Variants in ARHGEF1 observed in about 807,000 individuals in gnomAD.
ARHGEF1 encodes 115 kDa guanine nucleotide exchange factor.
Under a neutral mutation model 119.7 loss-of-function variants are expected in ARHGEF1, and 40 were observed. The ratio of observed to expected loss-of-function variants is 0.33; its 90% CI spans 0.26 to 0.44. The LOEUF (loss-of-function observed/expected upper bound fraction) is 0.44, where lower values mean the gene tolerates loss of function less well. Among genes scored for constraint, ARHGEF1 ranks in the 20% least tolerant of loss-of-function variants. The probability of loss-of-function intolerance (pLI) is 1.00; values close to 1 mark genes in which losing one functional copy is unlikely to be tolerated. For synonymous variants in ARHGEF1, 494 were observed against 521.0 expected, an observed-to-expected ratio of 0.95 and a Z score of 0.71; for missense variants, 976 against 1,268.3, an observed-to-expected ratio of 0.77 and a Z score of 3.50.
At chr19:41,927,119 T>A (rs1555853334) in intron 1 of ARHGEF1, among the ~76,000 whole-genome samples, 1 of 150,132 alleles carries the variant, frequency 6.7e-6, no homozygotes, top group African/African-American at 2.5e-5. Context: ...GAGAGACAGA[T>A]CCTGGGAGAG....
intron 14 of ARHGEF1, among the ~76,000 whole-genome samples, chr19:41,900,015 C>T (rs1308841403): frequency 6.6e-6 from 1 of 151,986 alleles, no homozygotes; most frequent in Non-Finnish European, 1.5e-5. Flanking sequence ...TGGGGACCAT[C>T]GGCCACCTAT....
At chr19:41,921,554 G>C (rs1555852496), upstream of ARHGEF1, among the ~76,000 whole-genome samples, 3 of 148,008 alleles carry the variant, frequency 2.0e-5, no homozygotes, top group African/African-American at 8.0e-5. The surrounding 1 kb of genome is among the most constrained non-coding windows in gnomAD (Gnocchi z 4.4). Flanking sequence ...ACGGCAGAAG[G>C]AGCGAACCAG....
In ARHGEF1 at chr19:41,907,000, C is replaced by T; in HGVS notation, c.*18-105C>T. The T allele has an allele frequency of 1.7e-6, 2 of 1,167,396 alleles. No homozygotes were observed. Among genetic ancestry groups the T allele is most frequent in the Non-Finnish European group, 2.3e-6 (2 of 856,636 alleles). The allele number at this position is 1,167,396 out of a possible 1,614,324, so 72.3% of individuals were successfully genotyped here. On this transcript the variant is annotated intron_variant, in intron 28 of 28. Coordinates refer to ENST00000354532, the MANE Select transcript of ARHGEF1 (RefSeq NM_004706.4). The surrounding 1 kb of genome is among the most constrained non-coding windows in gnomAD (Gnocchi z 4.5). ...GTCTCTGTGCCCGCCTGCCTCTCCC[C>T]ACCTCCCCTTCTCTCTCTGCTCTCC...
chr19:41,898,103 C>T (rs1167742228), intron 13 of ARHGEF1: 10 of 1,379,040 alleles, frequency 7.3e-6, no homozygotes, highest in Non-Finnish European at 3.7e-6. Context: ...TGGCCCTGCC[C>T]GACGAGCCAC....
Position 41,903,636 on chromosome 19 carries a change from A to G in ARHGEF1, c.1840-71A>G. ...AGAAGTTGGTCTTGGCTCTCATCTTACCAATGTGGGTCACTGCAGGTCAGC... is the reference window on the plus strand; with the variant it reads ...AGAAGTTGGTCTTGGCTCTCATCTTGCCAATGTGGGTCACTGCAGGTCAGC... On this transcript the variant is annotated intron_variant, in intron 19 of 28. Coordinates refer to ENST00000354532, the MANE Select transcript of ARHGEF1 (RefSeq NM_004706.4). The surrounding 1 kb of genome is among the most constrained non-coding windows in gnomAD (Gnocchi z 4.2). The G allele has an allele frequency of 6.6e-7, 1 of 1,524,368 alleles. No homozygotes were observed. Among genetic ancestry groups the G allele is most frequent in the Admixed American group, 1.7e-5 (1 of 59,086 alleles). The allele number at this position is 1,524,368 out of a possible 1,614,324, so 94.4% of individuals were successfully genotyped here.
Position 41,906,785 on chromosome 19 carries a change from G to C in ARHGEF1, c.2738G>C (p.Ter913SerextTer19). 1 of 1,610,524 alleles carries C rather than the reference G, an allele frequency of 6.2e-7. No individual in the cohort carries two copies. The highest frequency in any genetic ancestry group is 8.5e-7 in the Non-Finnish European group (1 of 1,178,462). The change falls in exon 28 of 29, where the codon TGA becomes TCA. Residue 913 changes from the stop codon to serine, a stop_lost. Coordinates refer to ENST00000354532, the MANE Select transcript of ARHGEF1 (RefSeq NM_004706.4). This position sits in a 1 kb window ranked among gnomAD's most constrained non-coding sequence, Gnocchi z 4.5. ...GNSVPQPGCT[*>S] is the part of the protein sequence containing the mutation. ...TCTGTCCCCCAGCCTGGCTGCACTTGAGGTTCCCGCCCAGGAAGGTGAGTG... is the reference window on the plus strand; with the variant it reads ...TCTGTCCCCCAGCCTGGCTGCACTTCAGGTTCCCGCCCAGGAAGGTGAGTG...
upstream of ARHGEF1, among the ~76,000 whole-genome samples, chr19:41,918,736 C>T (rs1290445370): frequency 6.7e-6 from 1 of 149,358 alleles, no homozygotes; most frequent in East Asian, 2.0e-4. Flanking sequence ...CCACACACCA[C>T]CCCACACATA....
At position 41,905,705 on chromosome 19, in the gene ARHGEF1, C is replaced by T; in HGVS notation, c.2337-55C>T. 4 of 1,593,808 alleles carry T rather than the reference C, an allele frequency of 2.5e-6. No homozygotes were observed. Among genetic ancestry groups the T allele is most frequent in the Non-Finnish European group, 3.4e-6 (4 of 1,165,084 alleles). ...ACCTCCAGCTCTCTGTCTCCCTGCC[C>T]CTGCGGCCCCCCAGGGCCAGGGGTG... On this transcript the variant is annotated intron_variant, in intron 24 of 28. Transcript: ENST00000354532. The surrounding 1 kb of genome is among the most constrained non-coding windows in gnomAD (Gnocchi z 6.4).
rs976512203 is a variant in ARHGEF1 at position 41,888,069 on chromosome 19, C to G, written c.-14C>G. 3.1e-6 allele frequency: 5 copies of G among 1,612,940 alleles called. No individual in the cohort carries two copies. The African/African-American group carries it at 6.7e-5, about 22-fold the overall frequency. ...AGCCCCTCCTCTTCCTCCAGCCCTG[C>G]AGAGCCCAGGGAGATGGAAGACTTC... is the stretch of plus-strand genomic sequence containing the variant. On this transcript the variant is annotated 5_prime_UTR_variant, in exon 2 of 29. Coordinates refer to ENST00000354532, the MANE Select transcript of ARHGEF1 (RefSeq NM_004706.4). The surrounding 1 kb of genome is among the most constrained non-coding windows in gnomAD (Gnocchi z 5.1).
chr19:41,892,301 C>T lies in ARHGEF1; in HGVS notation c.325-30C>T. 1 of 1,613,360 alleles carries T rather than the reference C, an allele frequency of 6.2e-7. No homozygotes were observed. The highest frequency in any genetic ancestry group is 1.3e-5 in the African/African-American group (1 of 75,064). On this transcript the variant is annotated intron_variant, in intron 5 of 28. Coordinates refer to ENST00000354532, the MANE Select transcript of ARHGEF1 (RefSeq NM_004706.4). This position sits in a 1 kb window ranked among gnomAD's most constrained non-coding sequence, Gnocchi z 6.3. ...CCTGCATCTCAGCACACCAAGTCCT[C>T]CTCTTCACCCCATTCTCTCTCTTGA...
chr19:41,885,586 C>T (rs1555845131), intron 1 of ARHGEF1, among the ~76,000 whole-genome samples: 1 of 152,104 alleles, frequency 6.6e-6, no homozygotes, highest in Non-Finnish European at 1.5e-5. Flanking sequence ...CTCAGCCTCC[C>T]GAGTAGCTGG....
chr19:41,912,277 C>T (rs1386686428), downstream of ARHGEF1, among the ~76,000 whole-genome samples: 1 of 152,156 alleles, frequency 6.6e-6, no homozygotes, highest in Non-Finnish European at 1.5e-5. Flanking sequence ...GAAATGAGAC[C>T]CCAAATAACC....
At chr19:41,887,780 G>A (rs977181955) in intron 1 of ARHGEF1, among the ~76,000 whole-genome samples, 1 of 152,116 alleles carries the variant, frequency 6.6e-6, no homozygotes, top group African/African-American at 2.4e-5. Context: ...TTCCATTAGG[G>A]CATTAGGGAC....
Position 41,892,008 on chromosome 19 carries a change from C to T in ARHGEF1, c.226-17C>T, listed in dbSNP as rs1555846267. 2 of 1,590,796 alleles carry T rather than the reference C, an allele frequency of 1.3e-6. No homozygotes were observed. Among genetic ancestry groups the T allele is most frequent in the Non-Finnish European group, 1.7e-6 (2 of 1,165,106 alleles). Reference sequence around the variant, plus strand: ...CAGGGTGAGGGAGCGGAGAGTCATGCTGTGTGTCTCCCCCAGCTTTGCTGT... The same window carrying T: ...CAGGGTGAGGGAGCGGAGAGTCATGTTGTGTGTCTCCCCCAGCTTTGCTGT... On this transcript the variant is annotated splice_polypyrimidine_tract_variant and intron_variant, in intron 4 of 28. Transcript: ENST00000354532. The surrounding 1 kb of genome is among the most constrained non-coding windows in gnomAD (Gnocchi z 6.3).
chr19:41,916,358 C>T lies in ARHGEF1; in HGVS notation c.1866-6734C>T, dbSNP rs1183693521. The stretch of plus-strand genomic sequence containing the variant: ...AGCAACGCATACCACTGCTGCCACA[C>T]ACAACCCACATCACACAGATGCATG... On this transcript the variant is annotated intron_variant, in intron 18 of 20. Transcript: ENST00000599589. This position sits in a 1 kb window ranked among gnomAD's most constrained non-coding sequence, Gnocchi z 5.4. 6.6e-6 allele frequency among the ~76,000 whole-genome samples: 1 copy of T among 152,138 alleles called. No homozygotes were observed. Among genetic ancestry groups the T allele is most frequent in the East Asian group, 1.9e-4 (1 of 5,198 alleles).
chr19:41,925,899 G>A (rs2074868225), intron 1 of ARHGEF1, among the ~76,000 whole-genome samples: 1 of 152,074 alleles, frequency 6.6e-6, no homozygotes, highest in African/African-American at 2.4e-5. Context: ...GGAGGCTGGG[G>A]ACTGGTGGGG....
rs372575105 is a variant in ARHGEF1 at position 41,906,691 on chromosome 19, C to T, written c.2656-12C>T. ...AAGGGGCCCCCCTCATCCATGACCC[C>T]CACCCCACCAGGAGTTGGAGGAGGA... On this transcript the variant is annotated splice_polypyrimidine_tract_variant and intron_variant, in intron 27 of 28. Transcript: ENST00000354532. This position sits in a 1 kb window ranked among gnomAD's most constrained non-coding sequence, Gnocchi z 4.5. 32 of 1,605,992 alleles carry T rather than the reference C, an allele frequency of 2.0e-5. No individual in the cohort carries two copies. The highest frequency in any genetic ancestry group is 2.7e-5 in the Non-Finnish European group (32 of 1,176,920).
At chr19:41,928,365 A>C (rs1206415248) in intron 1 of ARHGEF1, 1 of 152,402 alleles carries the variant, frequency 6.6e-6, no homozygotes, top group Non-Finnish European at 1.5e-5. Context: ...CTGAGGACGG[A>C]GCTCCGGGCT....
intron 10 of ARHGEF1, 28 bp downstream of exon 10, chr19:41,894,575 CCT>C (rs781830561): frequency 9.9e-6 from 16 of 1,614,038 alleles, no homozygotes; most frequent in Middle Eastern, 1.7e-4. Flanking sequence ...TCTGCCCTCC[CCT>C]GTCTTCCCCA....
Sources: allele counts gnomAD v4.1 joint callset (sites outside exome capture counted in the v4.1 genomes callset), GRCh38; gene constraint gnomAD v4.1.1; non-coding constraint Gnocchi (gnomAD v3.1); transcripts MANE v1.5; gene names NCBI Gene and HGNC (gene_info 2026-07-23, HGNC 2026-07-21).